Variants in POGLUT1 observed in about 807,000 individuals in gnomAD.
POGLUT1 encodes the protein 9630046K23Rik.
Under a neutral mutation model 61.3 loss-of-function variants are expected in POGLUT1, and 32 were observed. That is an observed-to-expected ratio of 0.52 (90% CI 0.39 to 0.70). POGLUT1 has a LOEUF of 0.70. Ranked by LOEUF, POGLUT1 falls within the 30% of genes least tolerant of loss-of-function variation. POGLUT1 has a pLI of 0.00. For missense variants in POGLUT1, 411 were observed against 469.8 expected, an observed-to-expected ratio of 0.87 and a Z score of 1.16; for synonymous variants, 158 against 158.2, an observed-to-expected ratio of 1.00 and a Z score of 0.01.
At chr3:119,469,408 G>A in intron 1 of POGLUT1, 3 of 567,152 alleles carry the variant, frequency 5.3e-6, no homozygotes, top group Admixed American at 6.5e-5. Flanking sequence ...CTGAAACACT[G>A]AGGGGTCGGG....
intron 7 of POGLUT1, 62 bp downstream of exon 7, chr3:119,486,994 C>T: frequency 9.4e-7 from 1 of 1,060,680 alleles, no homozygotes; most frequent in Non-Finnish European, 1.5e-6. Context: ...AGAACATTGC[C>T]ACCTGGGTAG....
At chr3:119,478,888 CAAAAAAAA>C (rs367802266) in intron 4 of POGLUT1, among the ~76,000 whole-genome samples, 3 of 86,002 alleles carry the variant, frequency 3.5e-5, no homozygotes, top group Non-Finnish European at 7.0e-5. Flanking sequence ...GCAGGTGGAT[CAAAAAAAA>C]AAAAAAAAGG....
chr3:119,477,882 G>A (rs1020978605), intron 4 of POGLUT1, among the ~76,000 whole-genome samples: 1 of 152,192 alleles, frequency 6.6e-6, no homozygotes, highest in East Asian at 1.9e-4. Flanking sequence ...ACCATATTCC[G>A]GGGGCCCAGG....
chr3:119,470,675 AC>A (rs879459791), intron 2 of POGLUT1, among the ~76,000 whole-genome samples: 1 of 152,074 alleles, frequency 6.6e-6, no homozygotes, highest in Admixed American at 6.5e-5. Flanking sequence ...CCCACTGGTT[AC>A]CCCTGTGCCG....
chr3:119,481,753 G>T (rs1203602746), intron 5 of POGLUT1, among the ~76,000 whole-genome samples: 2 of 152,168 alleles, frequency 1.3e-5, no homozygotes, highest in Middle Eastern at 3.2e-3. Flanking sequence ...ATCTGGTCAA[G>T]GTCAGAAGCA....
intron 1 of POGLUT1, 97 bp downstream of exon 1, chr3:119,469,203 G>T: frequency 1.0e-6 from 1 of 954,412 alleles, no homozygotes; most frequent in Non-Finnish European, 1.6e-6. Flanking sequence ...GGAAGATGCC[G>T]TGGCCGCTGT....
At position 119,471,429 on chromosome 3, in the gene POGLUT1, A is replaced by G. The variant is rs753496726; in HGVS notation, c.297A>G (p.Glu99=). Residue 99 remains glutamate, a synonymous_variant, in exon 3 of 11, where the codon GAA becomes GAG. Transcript: ENST00000295588. ...TCACTAAGAACAGACTGTACCGGGA[A>G]AATGACTGCATGTTCCCCTCAAGGT... ...YQITKNRLYR[E]NDCMFPSRCS... is the part of the protein sequence containing the mutation. 4 of 1,614,018 alleles carry G rather than the reference A, an allele frequency of 2.5e-6. No individual in the cohort carries two copies. Among genetic ancestry groups the G allele is most frequent in the Admixed American group, 3.3e-5 (2 of 59,994 alleles).
intron 5 of POGLUT1, among the ~76,000 whole-genome samples, chr3:119,483,616 A>G (rs1004537267): frequency 3.9e-5 from 6 of 152,232 alleles, no homozygotes; most frequent in Non-Finnish European, 7.3e-5. Flanking sequence ...ATTTCCTATT[A>G]AGATTGTTAC....
intron 4 of POGLUT1, 96 bp from the exon 5 acceptor site, chr3:119,479,955 T>G: frequency 1.9e-6 from 3 of 1,590,364 alleles, no homozygotes; most frequent in Non-Finnish European, 2.6e-6. Context: ...AATGTGACAC[T>G]AAACCAAGGC....
intron 10 of POGLUT1, among the ~76,000 whole-genome samples, 164 bp from the exon 11 acceptor site, chr3:119,492,118 A>G (rs1417123072): frequency 6.6e-6 from 1 of 152,232 alleles, no homozygotes; most frequent in Non-Finnish European, 1.5e-5. Flanking sequence ...TGCTACATGC[A>G]TGTATGTGGA....
At chr3:119,473,799 T>G (rs2081504504) in intron 3 of POGLUT1, among the ~76,000 whole-genome samples, 1 of 151,990 alleles carries the variant, frequency 6.6e-6, no homozygotes, top group South Asian at 2.1e-4. Context: ...TAGCTGGGAC[T>G]ACAGGCGCCC....
intron 2 of POGLUT1, 81 bp downstream of exon 2, chr3:119,469,991 T>C: frequency 2.3e-6 from 2 of 863,302 alleles, no homozygotes; most frequent in Non-Finnish European, 3.9e-6. Context: ...GAGATTTTGG[T>C]TGCAGTGGTC....
chr3:119,471,219 C>T, intron 2 of POGLUT1, 90 bp from the exon 3 acceptor site: 6 of 1,171,716 alleles, frequency 5.1e-6, no homozygotes, highest in Non-Finnish European at 7.5e-6. Flanking sequence ...ACTGTGTTCT[C>T]TAATACGAAA....
At chr3:119,480,266 G>C in intron 5 of POGLUT1, 94 bp downstream of exon 5, 5 of 888,334 alleles carry the variant, frequency 5.6e-6, no homozygotes. Flanking sequence ...TTTTTTTTTT[G>C]AGACGGAGTT....
chr3:119,471,757 C>T, intron 3 of POGLUT1: 2 of 361,726 alleles, frequency 5.5e-6, no homozygotes, highest in Non-Finnish European at 1.0e-5. Flanking sequence ...GCAGGCCTAG[C>T]AGGAGGGAGC....
chr3:119,491,407 C>A, intron 9 of POGLUT1, 111 bp from the exon 10 acceptor site: 2 of 470,842 alleles, frequency 4.2e-6, no homozygotes, highest in East Asian at 3.5e-5. Flanking sequence ...GGAAATAATC[C>A]ACCATCCACA....
intron 2 of POGLUT1, among the ~76,000 whole-genome samples, chr3:119,470,817 C>A (rs1430984388): frequency 6.6e-6 from 1 of 152,212 alleles, no homozygotes; most frequent in Non-Finnish European, 1.5e-5. Context: ...TGAAAACTTA[C>A]TATGCACTCA....
rs781089734 is a variant in POGLUT1 at position 119,492,366 on chromosome 3, C to T, written c.1107C>T (p.Phe369=). ...ACCTCTTGAGTGAATACTCTAAATTCCTGTCTTATAATGTAACGAGAAGGA... is the reference window on the plus strand; with the variant it reads ...ACCTCTTGAGTGAATACTCTAAATTTCTGTCTTATAATGTAACGAGAAGGA... ...WENLLSEYSK[F]LSYNVTRRKG... The change falls in exon 11 of 11, where the codon TTC becomes TTT. Residue 369 remains phenylalanine (F), a synonymous_variant. Coordinates refer to ENST00000295588, the MANE Select transcript of POGLUT1 (RefSeq NM_152305.3). The T allele has an allele frequency of 6.2e-7, 1 of 1,607,764 alleles. No individual in the cohort carries two copies. Among genetic ancestry groups the T allele is most frequent in the Non-Finnish European group, 8.5e-7 (1 of 1,175,178 alleles).
chr3:119,474,828 A>G (rs1357507121), intron 3 of POGLUT1, among the ~76,000 whole-genome samples: 8 of 152,180 alleles, frequency 5.3e-5, no homozygotes, highest in Admixed American at 5.2e-4. Context: ...AACAAGAAAG[A>G]AACTCCATCT....
Sources: allele counts gnomAD v4.1 joint callset (sites outside exome capture counted in the v4.1 genomes callset), GRCh38; gene constraint gnomAD v4.1.1; transcripts MANE v1.5; gene names NCBI Gene and HGNC (gene_info 2026-07-23, HGNC 2026-07-21).